METTL25: variants seen among roughly 807,000 people sequenced by gnomAD.
The protein encoded by METTL25 is methyltransferase like 25.
A neutral mutation model predicts 71.6 loss-of-function variants in METTL25; 64 were observed. That is an observed-to-expected ratio of 0.89 (90% CI 0.73 to 1.10). The LOEUF (loss-of-function observed/expected upper bound fraction) is 1.10. Among genes scored for constraint, METTL25 ranks in the 50% least tolerant of loss-of-function variants. The pLI is 0.00. For synonymous variants in METTL25, 287 were observed against 250.3 expected (o/e 1.15, Z -1.38); for missense variants, 807 against 707.0 (o/e 1.14, Z -1.60).
Position 82,358,768 on chromosome 12 carries a change from A to T in METTL25, c.203A>T (p.Glu68Val), listed in dbSNP as rs1304159952. ...VLAALRKSASETEALPSETRP... is the reference protein window; with the variant it reads ...VLAALRKSASVTEALPSETRP... ...GCTGCGCTGAGGAAGTCAGCGTCGG[A>T]GACGGAGGCCCTGCCCTCAGAGACG... is the stretch of plus-strand genomic sequence containing the variant. Residue 68 changes from glutamate (E) to valine (V), a missense_variant, in exon 1 of 12, where the codon GAG becomes GTG. Coordinates refer to ENST00000248306, the MANE Select transcript of METTL25 (RefSeq NM_032230.3). The T allele has an allele frequency of 6.2e-7, 1 of 1,613,794 alleles. No homozygotes were observed. Among genetic ancestry groups the T allele is most frequent in the Middle Eastern group, 1.6e-4 (1 of 6,062 alleles).
chr12:82,387,375 G>A (rs1014732292), intron 2 of METTL25, among the ~76,000 whole-genome samples: 2 of 151,742 alleles, frequency 1.3e-5, no homozygotes, highest in African/African-American at 4.8e-5. Flanking sequence ...AGAAAGTGGG[G>A]ATGGTACAAA....
chr12:82,368,704 A>C (rs576620252), intron 1 of METTL25, among the ~76,000 whole-genome samples: 3 of 152,228 alleles, frequency 2.0e-5, no homozygotes, highest in Non-Finnish European at 4.4e-5. Context: ...AATCCTAGGG[A>C]AATACAATGA....
intron 3 of METTL25, among the ~76,000 whole-genome samples, chr12:82,395,637 G>A (rs7954460): frequency 0.92 from 140,556 of 152,060 alleles, 65,280 homozygotes; most frequent in East Asian, 1. Flanking sequence ...TACCATACTA[G>A]TGTTATTACA....
At chr12:82,452,605 A>G (rs1891224382) in intron 8 of METTL25, among the ~76,000 whole-genome samples, 1 of 152,214 alleles carries the variant, frequency 6.6e-6, no homozygotes, top group Non-Finnish European at 1.5e-5. Flanking sequence ...TTGCACCTAC[A>G]AAAGAGCAAT....
intron 1 of METTL25, among the ~76,000 whole-genome samples, chr12:82,367,669 A>G (rs1291287371): frequency 6.6e-6 from 1 of 152,164 alleles, no homozygotes; most frequent in Non-Finnish European, 1.5e-5. Context: ...GTTGCCACTC[A>G]ACAGCTTTCA....
At chr12:82,436,657 G>A (rs1889938109) in intron 7 of METTL25, among the ~76,000 whole-genome samples, 1 of 151,290 alleles carries the variant, frequency 6.6e-6, no homozygotes, top group Non-Finnish European at 1.5e-5. Context: ...ATTTTTTTAT[G>A]TTATCTTGTT....
intron 5 of METTL25, among the ~76,000 whole-genome samples, chr12:82,421,169 G>A (rs1216108316): frequency 6.6e-6 from 1 of 152,120 alleles, no homozygotes; most frequent in Non-Finnish European, 1.5e-5. Flanking sequence ...GCCCTGACGA[G>A]GTTTACATTT....
chr12:82,390,435 G>T (rs887422554), intron 3 of METTL25, among the ~76,000 whole-genome samples: 1 of 152,000 alleles, frequency 6.6e-6, no homozygotes, highest in African/African-American at 2.4e-5. Context: ...TAATGATATT[G>T]GATAGTAGAT....
At chr12:82,450,353 G>A (rs1309496526) in intron 8 of METTL25, among the ~76,000 whole-genome samples, 3 of 151,860 alleles carry the variant, frequency 2.0e-5, no homozygotes, top group Non-Finnish European at 4.4e-5. Flanking sequence ...TCACTGCCTA[G>A]GTTCAATCTT....
intron 1 of METTL25, among the ~76,000 whole-genome samples, chr12:82,371,305 G>C (rs144988769): frequency 5.9e-4 from 90 of 152,320 alleles, no homozygotes; most frequent in African/African-American, 2.1e-3. Flanking sequence ...CAGTCCTGTT[G>C]TTGGATCATC....
At chr12:82,448,744 T>G (rs1156499514) in intron 8 of METTL25, among the ~76,000 whole-genome samples, 1 of 152,146 alleles carries the variant, frequency 6.6e-6, no homozygotes, top group Non-Finnish European at 1.5e-5. Flanking sequence ...AATTAGAAGG[T>G]ATCTTTTAAA....
At chr12:82,417,446 A>G (rs1358816279) in intron 5 of METTL25, among the ~76,000 whole-genome samples, 2 of 152,198 alleles carry the variant, frequency 1.3e-5, no homozygotes, top group Non-Finnish European at 2.9e-5. Context: ...GTATGCAAGC[A>G]TATACGTTAA....
In METTL25 at chr12:82,374,882, A is replaced by G. The variant is rs143251148; in HGVS notation, c.260-11921A>G. Among the ~76,000 whole-genome samples, 563 of 152,330 alleles carry G rather than the reference A, an allele frequency of 3.7e-3. 9 individuals carry two copies. The highest frequency in any genetic ancestry group is 0.031 in the Middle Eastern group (9 of 294). On this transcript the variant is annotated intron_variant, in intron 1 of 11. Coordinates refer to ENST00000248306, the MANE Select transcript of METTL25 (RefSeq NM_032230.3). ...TTGAAATCATCCTTCCATGGGGACA[A>G]TAGTGGTCTAGAGATGAAGGATGTG...
chr12:82,410,984 C>G (rs941656199), intron 5 of METTL25, among the ~76,000 whole-genome samples: 4 of 152,044 alleles, frequency 2.6e-5, no homozygotes, highest in Non-Finnish European at 4.4e-5. Context: ...GAGCTCAAAT[C>G]TTAGAAAATC....
chr12:82,362,781 G>C (rs1005559083), intron 1 of METTL25, among the ~76,000 whole-genome samples: 2 of 152,174 alleles, frequency 1.3e-5, no homozygotes, highest in Non-Finnish European at 2.9e-5. Flanking sequence ...AATATAAGAG[G>C]CTATTAAAAT....
chr12:82,458,003 C>T (rs1382954215), intron 9 of METTL25, among the ~76,000 whole-genome samples: 6 of 152,070 alleles, frequency 3.9e-5, no homozygotes, highest in Non-Finnish European at 8.8e-5. Flanking sequence ...ATCAAGAACA[C>T]AAACCTAAGC....
intron 8 of METTL25, among the ~76,000 whole-genome samples, chr12:82,446,647 C>T (rs1026299941): frequency 6.8e-6 from 1 of 146,310 alleles, no homozygotes; most frequent in Non-Finnish European, 1.5e-5. Flanking sequence ...GACAGAGTCT[C>T]GCTCTGTCGC....
chr12:82,473,686 G>A (rs1486652558), intron 9 of METTL25, among the ~76,000 whole-genome samples: 1 of 152,200 alleles, frequency 6.6e-6, no homozygotes, highest in Non-Finnish European at 1.5e-5. Context: ...TGGCCTCAGA[G>A]CATGTCAGTT....
intron 3 of METTL25, among the ~76,000 whole-genome samples, chr12:82,395,700 C>T (rs536610618): frequency 7.9e-5 from 12 of 152,108 alleles, no homozygotes; most frequent in East Asian, 1.9e-4. Context: ...TCCTAAACAA[C>T]ATTGGGATAC....
Sources: gnomAD v4.1 joint callset for allele counts (sites outside exome capture counted in the v4.1 genomes callset) on GRCh38, gnomAD v4.1.1 for gene constraint, MANE v1.5 for transcripts, NCBI Gene and HGNC (gene_info 2026-07-23, HGNC 2026-07-21) for gene names.